Variants in DOK4 observed in about 807,000 individuals in gnomAD.
The protein encoded by DOK4 is downstream of tyrosine kinase 4.
In DOK4, 26 loss-of-function variants were observed where a neutral mutation model predicts 40.1. The observed-to-expected ratio is 0.65, with a 90% CI of 0.48 to 0.90. The LOEUF (loss-of-function observed/expected upper bound fraction) is 0.90. DOK4 is among the 40% of genes least tolerant of loss of function. DOK4 has a pLI of 0.00. For missense variants in DOK4, 392 were observed against 437.2 expected, an observed-to-expected ratio of 0.90 and a Z score of 0.92; for synonymous variants, 179 against 177.0, an observed-to-expected ratio of 1.01 and a Z score of -0.09.
Position 57,479,323 on chromosome 16 carries a change from A to G in DOK4, c.66+119T>C. 8.7e-7 allele frequency: 1 copy of G among 1,148,062 alleles called. No homozygotes were observed. Among genetic ancestry groups the G allele is most frequent in the Non-Finnish European group, 1.3e-6 (1 of 797,470 alleles). 71.1% of individuals were successfully genotyped at this position (1,148,062 alleles called of 1,614,324 possible). ...CGAGGAGCCCCGAGACCACAGATGC[A>G]CGATGCCCGGCAGCCGGAGGGCAGC... On this transcript the variant is annotated intron_variant, in intron 2 of 8. Transcript: ENST00000340099. The surrounding 1 kb of genome is among the most constrained non-coding windows in gnomAD (Gnocchi z 5.8).
chr16:57,478,068 G>A (rs1254036047), intron 2 of DOK4, among the ~76,000 whole-genome samples: 1 of 152,236 alleles, frequency 6.6e-6, no homozygotes, highest in Non-Finnish European at 1.5e-5. Context: ...CTAAGTCTGG[G>A]GCCATAGGAA....
intron 1 of DOK4, among the ~76,000 whole-genome samples, chr16:57,482,600 C>T (rs1832776291): frequency 6.6e-6 from 1 of 151,926 alleles, no homozygotes; most frequent in South Asian, 2.1e-4. Context: ...ATCTCCTGAC[C>T]TTGTGATCCA....
chr16:57,474,492 C>T (rs533407198), intron 6 of DOK4, among the ~76,000 whole-genome samples: 5 of 152,094 alleles, frequency 3.3e-5, no homozygotes, highest in East Asian at 3.8e-4. Context: ...TTATTATCCC[C>T]GAAACCCAGA....
At chr16:57,476,506 G>A (rs1006272416) in intron 2 of DOK4, among the ~76,000 whole-genome samples, 4 of 152,150 alleles carry the variant, frequency 2.6e-5, no homozygotes, top group Non-Finnish European at 5.9e-5. Flanking sequence ...CCTGGGGATA[G>A]GGATTAGACC....
chr16:57,475,846 T>A lies in DOK4; in HGVS notation c.174+4A>T. 6.3e-7 allele frequency: 1 copy of A among 1,594,920 alleles called. No homozygotes were observed. ...TGGGGGAGCTAGGGCCCAGGCCTCC[T>A]AACCTTGGGGCAGCCCCGGAGGCAC... is the stretch of plus-strand genomic sequence containing the variant. On this transcript the variant is annotated splice_donor_region_variant and intron_variant, in intron 3 of 8. Transcript: ENST00000340099.
In DOK4 at chr16:57,479,718, G is replaced by A. The variant is rs1433380030; in HGVS notation, c.-181-30C>T. ...AAATAAAAATGACAGGGAGATTAGAGACAGTGACATCTTTCTCTTCCTCTC... is the reference window on the plus strand; with the variant it reads ...AAATAAAAATGACAGGGAGATTAGAAACAGTGACATCTTTCTCTTCCTCTC... On this transcript the variant is annotated intron_variant, in intron 1 of 8. Coordinates refer to ENST00000340099, the Ensembl canonical transcript of DOK4. The surrounding 1 kb of genome is among the most constrained non-coding windows in gnomAD (Gnocchi z 5.8). The A allele has an allele frequency of 3.1e-5, 16 of 516,976 alleles. No homozygotes were observed. Among genetic ancestry groups the A allele is most frequent in the African/African-American group, 2.3e-4 (12 of 51,146 alleles). 32.0% of individuals were successfully genotyped at this position (516,976 alleles called of 1,614,324 possible). A position where few individuals can be genotyped will look rare whatever the true frequency, so the allele number is the denominator to read the frequency against.
exon 9 of DOK4, chr16:57,472,281 A>T (rs1368726148): frequency 1.3e-5 from 2 of 152,690 alleles, no homozygotes; most frequent in Non-Finnish European, 2.9e-5. Context: ...AAAGTATTAA[A>T]AAACAAAACC....
rs754176006 is a variant in DOK4 at position 57,474,086 on chromosome 16, C to T, written c.600-47G>A. 6 of 1,608,202 alleles carry T rather than the reference C, an allele frequency of 3.7e-6. No individual in the cohort carries two copies. In the African/African-American group the frequency reaches 8.0e-5, roughly 21 times the overall value. The stretch of plus-strand genomic sequence containing the variant: ...CAAGATGGTGGGGACCCACCACAGA[C>T]ATGCATGTGATTAGTTAGGCTCTCT... On this transcript the variant is annotated intron_variant, in intron 6 of 8. Transcript: ENST00000340099.
rs1300201045 is a variant in DOK4 at position 57,479,720 on chromosome 16, C to T, written c.-181-32G>A. ...ATAAAAATGACAGGGAGATTAGAGA[C>T]AGTGACATCTTTCTCTTCCTCTCGC... On this transcript the variant is annotated intron_variant, in intron 1 of 8. Transcript: ENST00000340099. This position sits in a 1 kb window ranked among gnomAD's most constrained non-coding sequence, Gnocchi z 5.8. 65 of 510,072 alleles carry T rather than the reference C, an allele frequency of 1.3e-4. 1 individual carries two copies. The highest frequency in any genetic ancestry group is 1.4e-5 in the Non-Finnish European group (4 of 285,930). The allele number at this position is 510,072 out of a possible 1,614,324, so 31.6% of individuals were successfully genotyped here. A position where few individuals can be genotyped will look rare whatever the true frequency, so the allele number is the denominator to read the frequency against.
chr16:57,479,498 T>A lies in DOK4; in HGVS notation c.10A>T (p.Asn4Tyr), dbSNP rs763908728. ...CCTTGCTTGACGATGTCACTGAAAT[T>A]GGTCGCCATGGTTTTCCCACCTTTT... Residue 4 changes from asparagine (N) to tyrosine (Y), a missense_variant, in exon 2 of 9, where the codon AAT becomes TAT. Physicochemically the swap from Asn to Tyr is moderately radical, Grantham distance 143. Coordinates refer to ENST00000340099, the Ensembl canonical transcript of DOK4. This position sits in a 1 kb window ranked among gnomAD's most constrained non-coding sequence, Gnocchi z 5.8. 2.7e-5 allele frequency: 44 copies of A among 1,613,548 alleles called. No homozygotes were observed. In the East Asian group the frequency reaches 9.4e-4, roughly 34 times the overall value.
At position 57,478,933 on chromosome 16, in the gene DOK4, C is replaced by G. The variant is rs1229895452; in HGVS notation, c.66+509G>C. On this transcript the variant is annotated intron_variant, in intron 2 of 8. Coordinates refer to ENST00000340099, the Ensembl canonical transcript of DOK4. ...CTTCTTTAACATTAAACTCGACAAC[C>G]AAAAATTTACTAAATATCTGCACAC... Among the ~76,000 whole-genome samples, 6 of 152,172 alleles carry G rather than the reference C, an allele frequency of 3.9e-5. No individual in the cohort carries two copies. In the South Asian group the frequency reaches 6.2e-4, roughly 16 times the overall value.
exon 9 of DOK4, chr16:57,472,852 A>C (rs1424714618): frequency 6.4e-6 from 1 of 155,872 alleles, no homozygotes; most frequent in Non-Finnish European, 1.4e-5. Context: ...GCCCAGAGGA[A>C]CTGAGAAGCC....
At chr16:57,473,811 T>C (rs2031000474) in intron 7 of DOK4, 75 bp from the exon 8 acceptor site, 1 of 1,591,668 alleles carries the variant, frequency 6.3e-7, no homozygotes, top group African/African-American at 1.3e-5. Flanking sequence ...AGACCCTACC[T>C]GCCTCCACTG....
At chr16:57,473,989 T>C (rs1299205465) in exon 7 of DOK4, 1 of 1,613,992 alleles carries the variant, frequency 6.2e-7, no homozygotes, top group Non-Finnish European at 8.5e-7. Context: ...GTAAATCTGC[T>C]CCCCCTCTTG....
At chr16:57,484,743 C>G (rs1389368560) in intron 1 of DOK4, among the ~76,000 whole-genome samples, 1 of 152,220 alleles carries the variant, frequency 6.6e-6, no homozygotes, top group East Asian at 1.9e-4. Flanking sequence ...TCCACCTCCT[C>G]CAGGAGGCCT....
chr16:57,487,049 T>A (rs2031559549), upstream of DOK4: 2 of 152,522 alleles, frequency 1.3e-5, no homozygotes, highest in Non-Finnish European at 2.9e-5. Flanking sequence ...AAGCTCAAAC[T>A]TCATTCCCCT....
rs750693711 is a variant in DOK4 at position 57,475,237 on chromosome 16, T to A, written c.290-18A>T. ...CTCTAGCTCTGAAGAAAATGCTACT[T>A]CATCATGCAGCTCCAGAGCCCGGTA... On this transcript the variant is annotated intron_variant, in intron 4 of 8. Coordinates refer to ENST00000340099, the Ensembl canonical transcript of DOK4. The A allele has an allele frequency of 6.2e-7, 1 of 1,608,872 alleles. No homozygotes were observed.
At chr16:57,483,635 T>A (rs933373011) in intron 1 of DOK4, among the ~76,000 whole-genome samples, 2 of 151,702 alleles carry the variant, frequency 1.3e-5, no homozygotes, top group African/African-American at 2.4e-5. Context: ...TTCTAAAAAA[T>A]TTCAAAAAAA....
At position 57,479,348 on chromosome 16, in the gene DOK4, C is replaced by CT; in HGVS notation, c.66+93_66+94insA. On this transcript the variant is annotated intron_variant, in intron 2 of 8. Coordinates refer to ENST00000340099, the Ensembl canonical transcript of DOK4. This position sits in a 1 kb window ranked among gnomAD's most constrained non-coding sequence, Gnocchi z 5.8. ...ACGATGCCCGGCAGCCGGAGGGCAG[C>CT]CGCGTGCCCCACGCGCCATGCCTCC... 5.0e-6 allele frequency: 7 copies of CT among 1,389,446 alleles called. No homozygotes were observed. The highest frequency in any genetic ancestry group is 7.0e-6 in the Non-Finnish European group (7 of 1,002,404). 86.1% of individuals were successfully genotyped at this position (1,389,446 alleles called of 1,614,324 possible). A position where few individuals can be genotyped will look rare whatever the true frequency, so the allele number is the denominator to read the frequency against.
Sources: gnomAD v4.1 joint callset for allele counts (sites outside exome capture counted in the v4.1 genomes callset) on GRCh38, gnomAD v4.1.1 for gene constraint, Gnocchi (gnomAD v3.1) non-coding constraint, MANE v1.5 for transcripts, NCBI Gene and HGNC (gene_info 2026-07-23, HGNC 2026-07-21) for gene names.